The following POLK variants were observed in gnomAD, a reference collection of about 807,000 sequenced individuals.
POLK encodes DNA polymerase kappa.
POLK carries 76 observed loss-of-function variants against 94.0 expected under a neutral mutation model. The observed-to-expected ratio is 0.81, with a 90% confidence interval of 0.67 to 0.98. POLK has a LOEUF of 0.98. Among genes scored for constraint, POLK ranks in the 50% least tolerant of loss-of-function variants. The pLI is 0.00. For synonymous variants in POLK, 349 were observed against 325.4 expected, an observed-to-expected ratio of 1.07 and a Z score of -0.78; for missense variants, 954 against 1,010.1, an observed-to-expected ratio of 0.94 and a Z score of 0.75.
intron 1 of POLK, among the ~76,000 whole-genome samples, chr5:75,538,421 G>C (rs1470440037): frequency 3.3e-5 from 5 of 152,142 alleles, no homozygotes; most frequent in African/African-American, 4.8e-5. Flanking sequence ...ATAGTTTGAT[G>C]AACTAATCTA....
intron 3 of POLK, among the ~76,000 whole-genome samples, chr5:75,564,458 A>G (rs1217494675): frequency 1.3e-5 from 2 of 152,114 alleles, no homozygotes; most frequent in Non-Finnish European, 2.9e-5. Context: ...TATTTTGCCC[A>G]TTAGTTGATA....
chr5:75,581,019 C>T (rs1772167796), intron 6 of POLK, among the ~76,000 whole-genome samples, 190 bp from the exon 7 acceptor site: 1 of 151,942 alleles, frequency 6.6e-6, no homozygotes, highest in African/African-American at 2.4e-5. Context: ...AAGAAAAATT[C>T]ATAATCAGTG....
intron 2 of POLK, among the ~76,000 whole-genome samples, chr5:75,547,772 T>C (rs1314740920): frequency 6.6e-6 from 1 of 152,234 alleles, no homozygotes; most frequent in Non-Finnish European, 1.5e-5. Context: ...CCATGGTGTT[T>C]CTATCAATTC....
chr5:75,568,784 C>T, intron 3 of POLK: 1 of 266,472 alleles, frequency 3.8e-6, no homozygotes, highest in Non-Finnish European at 7.5e-6. Context: ...CATCATATGC[C>T]AAAGAGGTAC....
At chr5:75,533,991 C>T (rs568658837) in intron 1 of POLK, among the ~76,000 whole-genome samples, 32 of 152,152 alleles carry the variant, frequency 2.1e-4, no homozygotes, top group African/African-American at 6.7e-4. Flanking sequence ...TGGAGCTGGG[C>T]GTGGTGGCTC....
In POLK at chr5:75,558,538, T is replaced by C. The variant is rs77391107; in HGVS notation, c.255+5947T>C. ...AAAAATTCTCAATTGTTCTTTGATT[T>C]ATTTCTGGACTCTCTCTTCTAATCA... On this transcript the variant is annotated intron_variant, in intron 3 of 14. Coordinates refer to ENST00000241436, the Ensembl canonical transcript of POLK. Among the ~76,000 whole-genome samples the C allele has an allele frequency of 1.8e-3, 268 of 152,286 alleles. 1 individual carries two copies. The highest frequency in any genetic ancestry group is 6.1e-3 in the African/African-American group (253 of 41,578).
the POLK span, among the ~76,000 whole-genome samples, chr5:75,607,124 C>G: frequency 2.0e-5 from 3 of 152,168 alleles, no homozygotes; most frequent in Admixed American, 2.0e-4. Flanking sequence ...AGCTCACACC[C>G]TCCCAGCTAG....
intron 1 of POLK, among the ~76,000 whole-genome samples, chr5:75,516,110 T>C (rs948663580): frequency 6.6e-6 from 1 of 152,260 alleles, no homozygotes; most frequent in African/African-American, 2.4e-5. Context: ...GCTCCTTATA[T>C]ATTCTGGTTA....
intron 11 of POLK, among the ~76,000 whole-genome samples, chr5:75,592,438 G>T (rs1772837680): frequency 6.6e-6 from 1 of 152,162 alleles, no homozygotes; most frequent in Admixed American, 6.5e-5. Context: ...GGGGGGCCAG[G>T]CACGGTGGCT....
chr5:75,549,960 T>C (rs1328918984), intron 2 of POLK, among the ~76,000 whole-genome samples: 1 of 152,104 alleles, frequency 6.6e-6, no homozygotes, highest in East Asian at 1.9e-4. Context: ...AATAGACCTA[T>C]ATAATAAGGA....
intron 1 of POLK, among the ~76,000 whole-genome samples, chr5:75,519,562 G>T (rs979440769): frequency 6.6e-6 from 1 of 152,100 alleles, no homozygotes; most frequent in African/African-American, 2.4e-5. Context: ...GGGTATTCTG[G>T]TATTGGATGC....
chr5:75,573,612 A>G (rs941800873), intron 4 of POLK, 126 bp from the exon 5 acceptor site: 1 of 769,640 alleles, frequency 1.3e-6, no homozygotes, highest in African/African-American at 1.7e-5. Context: ...AAAACAAAAA[A>G]CTGGCCTATA....
chr5:75,519,401 A>G (rs75964962), intron 1 of POLK, among the ~76,000 whole-genome samples: 12,487 of 152,146 alleles, frequency 0.082, 585 homozygotes, highest in South Asian at 0.12. Flanking sequence ...AATTAGGCCT[A>G]TTTGGTCTAG....
At chr5:75,557,312 G>T (rs1561369093) in intron 3 of POLK, among the ~76,000 whole-genome samples, 1 of 152,082 alleles carries the variant, frequency 6.6e-6, no homozygotes, top group East Asian at 1.9e-4. Flanking sequence ...TGGCTAATTG[G>T]ATCTTTTGCC....
At chr5:75,561,033 A>T (rs1770944798) in intron 3 of POLK, among the ~76,000 whole-genome samples, 1 of 152,150 alleles carries the variant, frequency 6.6e-6, no homozygotes, top group African/African-American at 2.4e-5. Flanking sequence ...ATAACTGGTA[A>T]TGGGATTGCT....
chr5:75,511,395 C>A, upstream of POLK: 1 of 1,546,178 alleles, frequency 6.5e-7, no homozygotes, highest in Non-Finnish European at 8.7e-7. Context: ...CCGAGCGGAG[C>A]GAGGAAGGAG....
chr5:75,600,994 T>A (rs1447627212), exon 15 of POLK: 1 of 152,212 alleles, frequency 6.6e-6, no homozygotes, highest in African/African-American at 2.4e-5. Context: ...GAGTGGCACC[T>A]GGTGCTTCTG....
intron 1 of POLK, among the ~76,000 whole-genome samples, chr5:75,514,914 T>A (rs1768251213): frequency 6.6e-6 from 1 of 152,174 alleles, no homozygotes; most frequent in South Asian, 2.1e-4. Flanking sequence ...TTTAAATGAT[T>A]AAACATTTGA....
chr5:75,596,716 G>T (rs1211408630), exon 13 of POLK: 7 of 1,613,806 alleles, frequency 4.3e-6, no homozygotes, highest in Non-Finnish European at 5.9e-6. Context: ...GAAAGAAAAT[G>T]TTCCTGCTTC....
Sources: gnomAD v4.1 joint callset for allele counts (sites outside exome capture counted in the v4.1 genomes callset) on GRCh38, gnomAD v4.1.1 for gene constraint, MANE v1.5 for transcripts, NCBI Gene and HGNC (gene_info 2026-07-23, HGNC 2026-07-21) for gene names.